EFCAB11: variants seen among roughly 807,000 people sequenced by gnomAD.
EFCAB11 encodes the protein EF-hand calcium binding domain 11.
Under a neutral mutation model 23.0 loss-of-function variants are expected in EFCAB11, and 14 were observed. The observed-to-expected ratio is 0.61, with a 90% CI of 0.40 to 0.95. The LOEUF (loss-of-function observed/expected upper bound fraction) is 0.95, where lower values mean the gene tolerates loss of function less well. EFCAB11 is among the 40% of genes least tolerant of loss of function. EFCAB11 has a pLI of 0.00. For missense variants in EFCAB11, 198 were observed against 195.8 expected, an observed-to-expected ratio of 1.01 and a Z score of -0.07; for synonymous variants, 65 against 66.6, an observed-to-expected ratio of 0.98 and a Z score of 0.11.
intron 5 of EFCAB11, among the ~76,000 whole-genome samples, chr14:89,883,363 T>C (rs1016816275): frequency 2.0e-5 from 3 of 152,214 alleles, no homozygotes; most frequent in Non-Finnish European, 4.4e-5. Context: ...TATATAAATA[T>C]AGTCATCGCT....
rs368570379 is a variant in EFCAB11, at chr14:89,848,035, C to T, written c.411-50711G>A. On this transcript the variant is annotated intron_variant, in intron 5 of 5. Coordinates refer to ENST00000316738, the MANE Select transcript of EFCAB11 (RefSeq NM_145231.4). ...TTACAGGATTCTCTACCTAAGCTCCCCAAAGTAACTCAAACTTTACATATT... is the reference window on the plus strand; with the variant it reads ...TTACAGGATTCTCTACCTAAGCTCCTCAAAGTAACTCAAACTTTACATATT... 3.9e-4 allele frequency among the ~76,000 whole-genome samples: 60 copies of T among 152,278 alleles called. No homozygotes were observed. The South Asian group carries it at 0.012, about 29-fold the overall frequency.
chr14:89,910,624 T>C (rs1355617899), intron 5 of EFCAB11, among the ~76,000 whole-genome samples: 1 of 119,746 alleles, frequency 8.4e-6, no homozygotes, highest in Non-Finnish European at 1.5e-5. Flanking sequence ...CATACATACA[T>C]ACATACATAC....
At chr14:89,938,017 A>C (rs1468308284) in intron 3 of EFCAB11, 5 of 152,102 alleles carry the variant, frequency 3.3e-5, no homozygotes, top group Non-Finnish European at 5.9e-5. Flanking sequence ...AAACTATATA[A>C]ATTTTTTACT....
intron 3 of EFCAB11, among the ~76,000 whole-genome samples, chr14:89,945,637 C>T (rs773395474): frequency 1.3e-5 from 2 of 152,102 alleles, no homozygotes; most frequent in Non-Finnish European, 2.9e-5. Context: ...TGTTTAATGG[C>T]CCAGAGTATG....
At chr14:89,835,278 C>G (rs754662784) in intron 5 of EFCAB11, among the ~76,000 whole-genome samples, 2 of 152,074 alleles carry the variant, frequency 1.3e-5, no homozygotes, top group Non-Finnish European at 2.9e-5. Flanking sequence ...ATCTGAAATG[C>G]CTGGAACCAG....
intron 5 of EFCAB11, among the ~76,000 whole-genome samples, chr14:89,869,582 C>G (rs1888204555): frequency 6.6e-6 from 1 of 152,218 alleles, no homozygotes; most frequent in African/African-American, 2.4e-5. Flanking sequence ...ATAGAATCCA[C>G]AGGACCGAGT....
intron 3 of EFCAB11, among the ~76,000 whole-genome samples, chr14:89,937,734 C>A (rs1890638016): frequency 6.6e-6 from 1 of 152,172 alleles, no homozygotes; most frequent in African/African-American, 2.4e-5. Flanking sequence ...CCCTATTGGC[C>A]AGGCTGGTCT....
At chr14:89,831,583 AT>A (rs1220736537) in intron 5 of EFCAB11, among the ~76,000 whole-genome samples, 2 of 152,226 alleles carry the variant, frequency 1.3e-5, no homozygotes, top group Non-Finnish European at 2.9e-5. Flanking sequence ...GTGCATGTAT[AT>A]ATTAGTTTAC....
chr14:89,887,705 G>A (rs1270679287), intron 5 of EFCAB11, among the ~76,000 whole-genome samples: 1 of 152,154 alleles, frequency 6.6e-6, no homozygotes, highest in African/African-American at 2.4e-5. Flanking sequence ...AAAGACAACA[G>A]ACTGTAAATA....
At chr14:89,797,799 G>C (rs934763893) in intron 5 of EFCAB11, among the ~76,000 whole-genome samples, 3 of 152,150 alleles carry the variant, frequency 2.0e-5, no homozygotes, top group Non-Finnish European at 4.4e-5. Flanking sequence ...CAGGCATGGT[G>C]GTGGGCCCCT....
chr14:89,928,704 C>T (rs1317008963), intron 5 of EFCAB11, among the ~76,000 whole-genome samples: 1 of 146,880 alleles, frequency 6.8e-6, no homozygotes, highest in African/African-American at 2.5e-5. Flanking sequence ...ATCATATATA[C>T]AATTATTAAT....
intron 5 of EFCAB11, chr14:89,892,257 A>T: frequency 6.2e-7 from 1 of 1,613,192 alleles, no homozygotes; most frequent in Non-Finnish European, 8.5e-7. Context: ...GCCTTCGTGG[A>T]GACCTCTGTT....
intron 5 of EFCAB11, among the ~76,000 whole-genome samples, chr14:89,798,563 A>G (rs1291282929): frequency 6.6e-6 from 1 of 152,258 alleles, no homozygotes; most frequent in Non-Finnish European, 1.5e-5. Flanking sequence ...TGGATTAGAT[A>G]AACGGCCTTT....
At chr14:89,910,322 G>A (rs984432469) in intron 5 of EFCAB11, among the ~76,000 whole-genome samples, 37 of 152,172 alleles carry the variant, frequency 2.4e-4, no homozygotes, top group African/African-American at 8.7e-4. Context: ...TAGTGACCGG[G>A]TGCAGTGGCT....
intron 5 of EFCAB11, among the ~76,000 whole-genome samples, chr14:89,877,163 C>T (rs1256549653): frequency 2.0e-5 from 3 of 152,046 alleles, no homozygotes; most frequent in South Asian, 4.2e-4. Flanking sequence ...CCTCAGCCTC[C>T]TGAGTAGCTA....
chr14:89,899,226 T>G (rs1889267963), intron 5 of EFCAB11, among the ~76,000 whole-genome samples: 1 of 152,196 alleles, frequency 6.6e-6, no homozygotes, highest in East Asian at 1.9e-4. Context: ...AAATCATAAT[T>G]TAAGCAGTAA....
intron 1 of EFCAB11, 63 bp downstream of exon 1, chr14:89,954,523 A>G: frequency 6.3e-7 from 1 of 1,594,226 alleles, no homozygotes; most frequent in Non-Finnish European, 8.5e-7. Flanking sequence ...CAGACACGGG[A>G]GAGGAAGCGA....
chr14:89,916,398 A>G (rs2139777219), intron 5 of EFCAB11, among the ~76,000 whole-genome samples: 1 of 152,344 alleles, frequency 6.6e-6, no homozygotes, highest in East Asian at 1.9e-4. Context: ...GTTAAAAGCC[A>G]TCTGACAGAG....
chr14:89,953,442 G>A (rs1891262641), intron 2 of EFCAB11, among the ~76,000 whole-genome samples: 1 of 152,174 alleles, frequency 6.6e-6, no homozygotes, highest in Non-Finnish European at 1.5e-5. Flanking sequence ...ACTGTTAATG[G>A]TAATCCCCTA....
Sources: allele counts gnomAD v4.1 joint callset (sites outside exome capture counted in the v4.1 genomes callset), GRCh38; gene constraint gnomAD v4.1.1; transcripts MANE v1.5; gene names NCBI Gene and HGNC (gene_info 2026-07-23, HGNC 2026-07-21).